MYBL2: variants seen among roughly 807,000 people sequenced by gnomAD.
MYBL2 encodes myb-related protein B.
Under a neutral mutation model 79.9 loss-of-function variants are expected in MYBL2, and 28 were observed. The observed-to-expected ratio is 0.35, with a 90% CI of 0.26 to 0.48. The LOEUF is 0.48. MYBL2 is among the 20% of genes least tolerant of loss of function. The pLI is 0.99. For missense variants in MYBL2, 735 were observed against 893.9 expected, an observed-to-expected ratio of 0.82 and a Z score of 2.27; for synonymous variants, 378 against 361.2, an observed-to-expected ratio of 1.05 and a Z score of -0.53.
chr20:43,677,742 C>T (rs1325918172), intron 2 of MYBL2, among the ~76,000 whole-genome samples: 16 of 152,040 alleles, frequency 1.1e-4, no homozygotes, highest in Admixed American at 9.8e-4. Flanking sequence ...CGCCTCTGCC[C>T]GGCCGCCCCT....
At chr20:43,677,582 G>A (rs1478901890) in intron 2 of MYBL2, among the ~76,000 whole-genome samples, 2 of 152,252 alleles carry the variant, frequency 1.3e-5, no homozygotes, top group African/African-American at 4.8e-5. Context: ...AAGGGTCCTT[G>A]AAGGGGAGAA....
intron 4 of MYBL2, among the ~76,000 whole-genome samples, chr20:43,684,082 G>A (rs535298779): frequency 6.6e-6 from 1 of 152,056 alleles, no homozygotes; most frequent in South Asian, 2.1e-4. Context: ...GTGCCACCAT[G>A]TCTGGCTAAT....
In MYBL2 at chr20:43,682,901, A is replaced by G; in HGVS notation, c.279+15A>G. On this transcript the variant is annotated intron_variant, in intron 4 of 13. Coordinates refer to ENST00000217026, the MANE Select transcript of MYBL2 (RefSeq NM_002466.4). ...AAGACCAAAAAGTAACTGCTGGGAC[A>G]GTGCCTTGCACACAGTGGGTCTTCA... 1 of 1,610,142 alleles carries G rather than the reference A, an allele frequency of 6.2e-7. No individual in the cohort carries two copies. The highest frequency in any genetic ancestry group is 8.5e-7 in the Non-Finnish European group (1 of 1,176,528).
intron 9 of MYBL2, among the ~76,000 whole-genome samples, 173 bp downstream of exon 9, chr20:43,705,531 A>G (rs1331446079): frequency 2.0e-5 from 3 of 151,972 alleles, no homozygotes; most frequent in Non-Finnish European, 4.4e-5. Context: ...ATTTTTATCG[A>G]TATAGTTTTG....
In MYBL2 at chr20:43,667,234, C is replaced by A; in HGVS notation, c.-50C>A. The A allele has an allele frequency of 8.3e-7, 1 of 1,198,610 alleles. No homozygotes were observed. Among genetic ancestry groups the A allele is most frequent in the South Asian group, 4.2e-5 (1 of 23,990 alleles). The allele number at this position is 1,198,610 out of a possible 1,614,324, so 74.2% of individuals were successfully genotyped here. A position where few individuals can be genotyped will look rare whatever the true frequency, so the allele number is the denominator to read the frequency against. Reference sequence around the variant, plus strand: ...TCCTGACCCCGGCCCGGCTCCCGCTCCGGGCTCTGCCGGCGGGCGGGCGAG... The same window carrying A: ...TCCTGACCCCGGCCCGGCTCCCGCTACGGGCTCTGCCGGCGGGCGGGCGAG... On this transcript the variant is annotated 5_prime_UTR_variant, in exon 1 of 14. Coordinates refer to ENST00000217026, the MANE Select transcript of MYBL2 (RefSeq NM_002466.4).
intron 12 of MYBL2, among the ~76,000 whole-genome samples, chr20:43,714,485 C>G (rs1432049528): frequency 6.6e-6 from 1 of 152,222 alleles, no homozygotes; most frequent in East Asian, 1.9e-4. Context: ...GCACCCATCC[C>G]AGGGCTGATG....
At chr20:43,713,866 CCT>C (rs1226547195) in intron 12 of MYBL2, among the ~76,000 whole-genome samples, 1 of 152,152 alleles carries the variant, frequency 6.6e-6, no homozygotes, top group Non-Finnish European at 1.5e-5. Context: ...GCTGCTGATC[CCT>C]CTCTGCTCAC....
At chr20:43,684,517 G>A (rs1987221268) in intron 4 of MYBL2, among the ~76,000 whole-genome samples, 1 of 150,298 alleles carries the variant, frequency 6.7e-6, no homozygotes, top group Non-Finnish European at 1.5e-5. Context: ...TTACAAGCGT[G>A]AGCCACTGTG....
intron 3 of MYBL2, among the ~76,000 whole-genome samples, chr20:43,682,567 G>A (rs377032295): frequency 6.6e-6 from 1 of 152,326 alleles, no homozygotes; most frequent in East Asian, 1.9e-4. Context: ...GGTAGGGAGC[G>A]GCTTCCCACA....
Position 43,673,801 on chromosome 20 carries a change from C to T in MYBL2, c.21-5C>T. 6.4e-7 allele frequency: 1 copy of T among 1,569,138 alleles called. No individual in the cohort carries two copies. The highest frequency in any genetic ancestry group is 8.7e-7 in the Non-Finnish European group (1 of 1,155,862). On this transcript the variant is annotated splice_polypyrimidine_tract_variant and splice_region_variant and intron_variant, in intron 1 of 13. Transcript: ENST00000217026. ...TCCTTGACCCTTGGCCTGCTTTCCC[C>T]ATAGCGAGGATCTGGATGAGCTGCA...
chr20:43,668,664 C>T (rs113505177), intron 1 of MYBL2, among the ~76,000 whole-genome samples: 4,243 of 149,146 alleles, frequency 0.028, 80 homozygotes, highest in Non-Finnish European at 0.049. Context: ...TCTGTTCAGG[C>T]GCCTATCAGA....
intron 4 of MYBL2, among the ~76,000 whole-genome samples, chr20:43,684,838 TAA>T (rs3091560): frequency 9.2e-4 from 130 of 140,764 alleles, no homozygotes; most frequent in Middle Eastern, 3.6e-3. Context: ...CCCTGTCTCT[TAA>T]AAAAAAAAAA....
intron 12 of MYBL2, among the ~76,000 whole-genome samples, chr20:43,713,534 T>G (rs1987961302): frequency 6.6e-6 from 1 of 151,980 alleles, no homozygotes; most frequent in African/African-American, 2.4e-5. Context: ...ATTACAGGCA[T>G]GCATCACCAC....
At chr20:43,685,905 T>C (rs578205791) in intron 4 of MYBL2, among the ~76,000 whole-genome samples, 1 of 150,370 alleles carries the variant, frequency 6.7e-6, no homozygotes, top group African/African-American at 2.5e-5. Flanking sequence ...GGCATGGTGG[T>C]GCATGCCTGT....
chr20:43,696,579 C>A (rs1345529140), intron 6 of MYBL2, among the ~76,000 whole-genome samples: 5 of 152,300 alleles, frequency 3.3e-5, no homozygotes, highest in African/African-American at 1.2e-4. Context: ...ACATATCGTT[C>A]CATGTTGTTA....
chr20:43,689,928 G>A (rs912888501), intron 5 of MYBL2, among the ~76,000 whole-genome samples: 2 of 152,122 alleles, frequency 1.3e-5, no homozygotes, highest in African/African-American at 4.8e-5. Flanking sequence ...CCCTGGAAGC[G>A]GAACCTGTGA....
chr20:43,697,562 G>C (rs1987573204), intron 6 of MYBL2, among the ~76,000 whole-genome samples: 1 of 151,882 alleles, frequency 6.6e-6, no homozygotes, highest in African/African-American at 2.4e-5. Context: ...AGTGAGCTGA[G>C]AGTGTGCCTC....
In MYBL2 at chr20:43,692,309, C is replaced by T. The variant is rs145901596; in HGVS notation, c.653C>T (p.Thr218Met). Residue 218 changes from threonine to methionine, a missense_variant, in exon 6 of 14, where the codon ACG (threonine) becomes ATG (methionine). By Grantham distance (81) the Thr-to-Met change is moderately conservative. This residue lies in a region of MYBL2 where 144 missense variants were observed against 131.9 expected (regional missense o/e 1.09). Coordinates refer to ENST00000217026, the MANE Select transcript of MYBL2 (RefSeq NM_002466.4). ...GACGGCCTCCAGAGTGCCCAGCCCA[C>T]GGAAGGCCAGGTGAGACAGCTGCTC... ...DKDGLQSAQP[T>M]EGQGSLLTNW... 39 of 1,613,916 alleles carry T rather than the reference C, an allele frequency of 2.4e-5. No individual in the cohort carries two copies. The highest frequency in any genetic ancestry group is 1.6e-4 in the Middle Eastern group (1 of 6,082).
intron 4 of MYBL2, among the ~76,000 whole-genome samples, chr20:43,683,550 C>CCT (rs764273305): frequency 0.012 from 1,546 of 126,372 alleles, 95 homozygotes; most frequent in African/African-American, 0.044. Flanking sequence ...GGGAACTAGG[C>CCT]ATTTTTTTTT....
Sources: gnomAD v4.1 joint callset for allele counts (sites outside exome capture counted in the v4.1 genomes callset) on GRCh38, gnomAD v4.1.1 for gene constraint, gnomAD v4.1.1 regional missense constraint, MANE v1.5 for transcripts, NCBI Gene and HGNC (gene_info 2026-07-23, HGNC 2026-07-21) for gene names.